Variants in MGAT4C observed in about 807,000 individuals in gnomAD.
MGAT4C encodes the protein alpha-1,3-mannosyl-glycoprotein 4-beta-N-acetylglucosaminyltransferase C.
In MGAT4C, 19 loss-of-function variants were observed where a neutral mutation model predicts 40.1. The ratio of observed to expected loss-of-function variants is 0.47; its 90% CI spans 0.33 to 0.70. MGAT4C has a LOEUF of 0.70. MGAT4C is among the 30% of genes least tolerant of loss of function. The pLI is 0.02. For missense variants in MGAT4C, 491 were observed against 563.2 expected, an observed-to-expected ratio of 0.87 and a Z score of 1.30; for synonymous variants, 181 against 187.1, an observed-to-expected ratio of 0.97 and a Z score of 0.27.
chr12:86,777,761 A>C (rs1951769768), intron 1 of MGAT4C, among the ~76,000 whole-genome samples: 1 of 152,170 alleles, frequency 6.6e-6, no homozygotes, highest in African/African-American at 2.4e-5. Flanking sequence ...AATTCTTTGA[A>C]GTATGTGTTC....
chr12:86,682,400 A>C (rs961958267), intron 2 of MGAT4C, among the ~76,000 whole-genome samples: 2 of 152,080 alleles, frequency 1.3e-5, no homozygotes, highest in African/African-American at 4.8e-5. Context: ...AATGAAAGGC[A>C]TGTTTCTTAC....
chr12:86,234,289 G>GA (rs1054473710), intron 1 of MGAT4C, among the ~76,000 whole-genome samples: 4 of 152,080 alleles, frequency 2.6e-5, no homozygotes, highest in African/African-American at 9.7e-5. Context: ...AGCATTTGGG[G>GA]AAAAAATTAC....
At chr12:86,012,786 C>CCACCACCACCACCACCACCAG (rs1888627633) in intron 2 of MGAT4C, among the ~76,000 whole-genome samples, 4 of 129,590 alleles carry the variant, frequency 3.1e-5, no homozygotes, top group African/African-American at 8.7e-5. Flanking sequence ...ACAACCACCA[C>CCACCACCACCACCACCACCAG]CACCACCACC....
chr12:86,157,182 A>T (rs188843519), intron 1 of MGAT4C, among the ~76,000 whole-genome samples: 204 of 151,954 alleles, frequency 1.3e-3, no homozygotes, highest in African/African-American at 4.6e-3. Context: ...TACATTTATA[A>T]TTTTTTTTAA....
At chr12:86,760,023 C>T (rs565237068) in intron 1 of MGAT4C, among the ~76,000 whole-genome samples, 73 of 152,168 alleles carry the variant, frequency 4.8e-4, no homozygotes, top group African/African-American at 1.3e-3. Flanking sequence ...ATCTTCAAAA[C>T]ATGCTACAAA....
chr12:86,522,948 A>G (rs1565824205), intron 2 of MGAT4C, among the ~76,000 whole-genome samples: 1 of 151,936 alleles, frequency 6.6e-6, no homozygotes, highest in South Asian at 2.1e-4. Context: ...CACTGGTAAT[A>G]TTCTCTTTTT....
chr12:86,546,519 T>C (rs1013295910), intron 2 of MGAT4C, among the ~76,000 whole-genome samples: 2 of 151,956 alleles, frequency 1.3e-5, no homozygotes, highest in Non-Finnish European at 2.9e-5. Context: ...TCCAAACATC[T>C]TTAAATTCAC....
intron 2 of MGAT4C, among the ~76,000 whole-genome samples, chr12:86,707,523 CTTTTCTT>C (rs1950481072): frequency 6.9e-6 from 1 of 144,892 alleles, no homozygotes; most frequent in African/African-American, 2.6e-5. Flanking sequence ...AGGAATTTTT[CTTTTCTT>C]TTTTTTTTTT....
intron 2 of MGAT4C, among the ~76,000 whole-genome samples, chr12:86,010,469 A>G (rs975774458): frequency 5.9e-5 from 9 of 152,100 alleles, no homozygotes; most frequent in African/African-American, 2.2e-4. Flanking sequence ...CACGAGGTCA[A>G]GAGTTTGAGA....
intron 1 of MGAT4C, among the ~76,000 whole-genome samples, chr12:86,195,533 C>A (rs1478564649): frequency 6.6e-6 from 1 of 152,036 alleles, no homozygotes; most frequent in African/African-American, 2.4e-5. Context: ...ATAACACATG[C>A]TTGAAAATGA....
At chr12:86,192,251 G>A (rs536572063) in intron 1 of MGAT4C, among the ~76,000 whole-genome samples, 2 of 152,096 alleles carry the variant, frequency 1.3e-5, no homozygotes, top group South Asian at 2.1e-4. Context: ...ATAGAAAAAA[G>A]TATATAATGT....
intron 1 of MGAT4C, among the ~76,000 whole-genome samples, chr12:86,837,841 G>A (rs1488795105): frequency 6.6e-6 from 1 of 152,040 alleles, no homozygotes. Context: ...AAACAGACAC[G>A]GAAGTCACCT....
chr12:86,046,153 AGACT>A (rs1892378917), intron 2 of MGAT4C, among the ~76,000 whole-genome samples: 1 of 152,218 alleles, frequency 6.6e-6, no homozygotes, highest in Admixed American at 6.5e-5. Flanking sequence ...ATGTTGTGGA[AGACT>A]GACTGACACA....
At chr12:86,559,417 C>T (rs1959762567) in intron 2 of MGAT4C, among the ~76,000 whole-genome samples, 1 of 151,556 alleles carries the variant, frequency 6.6e-6, no homozygotes, top group Admixed American at 6.6e-5. Flanking sequence ...TATTAGTCCA[C>T]AAAAAAACAT....
chr12:86,674,925 A>G (rs1964352614), intron 2 of MGAT4C, among the ~76,000 whole-genome samples: 1 of 152,164 alleles, frequency 6.6e-6, no homozygotes, highest in African/African-American at 2.4e-5. Context: ...GATTTGGTCC[A>G]GGCTCTTTGC....
At chr12:86,421,431 C>G (rs1349405459) in intron 3 of MGAT4C, among the ~76,000 whole-genome samples, 1 of 152,006 alleles carries the variant, frequency 6.6e-6, no homozygotes, top group African/African-American at 2.4e-5. Context: ...TATTTTTTCC[C>G]AAATAACCCT....
intron 2 of MGAT4C, among the ~76,000 whole-genome samples, chr12:86,592,242 T>G (rs1309905238): frequency 2.0e-5 from 3 of 152,080 alleles, no homozygotes; most frequent in East Asian, 3.9e-4. Context: ...ATTAGTGTGA[T>G]GGAAGCAGCT....
At position 85,959,027 on chromosome 12, in the gene MGAT4C, C is replaced by CAATACAA. The variant is rs1340582145; in HGVS notation, c.*20255_*20261dup. Reference sequence around the variant, plus strand: ...TATTAAATCTCTGGTAACCACTATACAATACAATACAATACAATACAATAC... The same window carrying CAATACAA: ...TATTAAATCTCTGGTAACCACTATACAATACAAAATACAATACAATACAATACAATAC... On this transcript the variant is annotated 3_prime_UTR_variant, in exon 5 of 5. Transcript: ENST00000611864. 8.1e-5 allele frequency: 8 copies of CAATACAA among 99,322 alleles called. No homozygotes were observed. Among genetic ancestry groups the CAATACAA allele is most frequent in the African/African-American group, 3.7e-4 (8 of 21,812 alleles). The allele number at this position is 99,322 out of a possible 1,614,324, so 6.2% of individuals were successfully genotyped here. A position where few individuals can be genotyped will look rare whatever the true frequency, so the allele number is the denominator to read the frequency against.
chr12:86,700,290 G>A (rs771544890), intron 2 of MGAT4C, among the ~76,000 whole-genome samples: 2 of 151,880 alleles, frequency 1.3e-5, no homozygotes, highest in African/African-American at 2.4e-5. Flanking sequence ...GTTTGAAGTC[G>A]CTTAATATAT....
Sources: gnomAD v4.1 joint callset for allele counts (sites outside exome capture counted in the v4.1 genomes callset) on GRCh38, gnomAD v4.1.1 for gene constraint, MANE v1.5 for transcripts, NCBI Gene and HGNC (gene_info 2026-07-23, HGNC 2026-07-21) for gene names.